GNL3L: variants seen among roughly 807,000 people sequenced by gnomAD.
The protein encoded by GNL3L is guanine nucleotide-binding protein-like 3-like protein.
GNL3L carries 4 observed loss-of-function variants against 42.9 expected under a neutral mutation model. The observed-to-expected ratio is 0.09, with a 90% CI of 0.05 to 0.21. The LOEUF (loss-of-function observed/expected upper bound fraction) is 0.21. Among genes scored for constraint, GNL3L ranks in the 10% least tolerant of loss-of-function variants. The probability of loss-of-function intolerance (pLI) is 1.00; values close to 1 mark genes in which losing one functional copy is unlikely to be tolerated. For synonymous variants in GNL3L, 159 were observed against 176.3 expected (o/e 0.90, Z 0.78); for missense variants, 412 against 481.7 (o/e 0.86, Z 1.36).
At chrX:54,552,123 G>A in intron 12 of GNL3L, 149 bp downstream of exon 12, 3 of 805,019 alleles carry the variant, frequency 3.7e-6, no homozygotes, top group Non-Finnish European at 5.4e-6. Context: ...TCCTGCTCGA[G>A]ACTTTATGCC....
intron 9 of GNL3L, among the ~76,000 whole-genome samples, chrX:54,549,073 A>G (rs1217261410): frequency 9.0e-6 from 1 of 111,412 alleles, no homozygotes; most frequent in Non-Finnish European, 1.9e-5. Flanking sequence ...CGAGGGAGAC[A>G]TAGGAAGGGT....
intron 2 of GNL3L, among the ~76,000 whole-genome samples, chrX:54,538,318 T>A (rs1924508441): frequency 8.9e-6 from 1 of 111,754 alleles, no homozygotes; most frequent in South Asian, 3.7e-4. Flanking sequence ...TATAATATAT[T>A]TGTTTGTATA....
intron 16 of GNL3L, among the ~76,000 whole-genome samples, chrX:54,612,820 A>G (rs1264122178): frequency 9.0e-6 from 1 of 111,648 alleles, no homozygotes; most frequent in Non-Finnish European, 1.9e-5. Flanking sequence ...TAAGTTTTCC[A>G]TTATAGGTTA....
At chrX:54,545,371 G>GTT (rs1485477908) in intron 8 of GNL3L, among the ~76,000 whole-genome samples, 2 of 106,834 alleles carry the variant, frequency 1.9e-5, no homozygotes, top group African/African-American at 6.8e-5. Context: ...GCTAAGTTTT[G>GTT]TGTTTTTTTT....
chrX:54,615,808 G>A (rs188703584), intron 16 of GNL3L, among the ~76,000 whole-genome samples: 1 of 109,241 alleles, frequency 9.2e-6, no homozygotes, highest in African/African-American at 3.3e-5. Flanking sequence ...GGGTTCAAGC[G>A]ATTCTCCTGC....
intron 16 of GNL3L, among the ~76,000 whole-genome samples, chrX:54,578,190 A>G (rs760579968): frequency 2.7e-5 from 3 of 112,275 alleles, no homozygotes; most frequent in South Asian, 7.3e-4. Context: ...TTTGGCATTT[A>G]TCATTTTTGT....
chrX:54,536,096 T>C (rs1924415006), intron 2 of GNL3L, among the ~76,000 whole-genome samples: 1 of 110,826 alleles, frequency 9.0e-6, no homozygotes, highest in Non-Finnish European at 1.9e-5. Flanking sequence ...CCCGGCTAAT[T>C]TTTGTATTTT....
chrX:54,535,964 G>C (rs1924410092), intron 2 of GNL3L, among the ~76,000 whole-genome samples: 1 of 105,886 alleles, frequency 9.4e-6, no homozygotes, highest in Non-Finnish European at 1.9e-5. Flanking sequence ...GTCTTGCTGT[G>C]TTGCCCAGGC....
At chrX:54,568,892 C>T (rs1357314546), downstream of GNL3L, among the ~76,000 whole-genome samples, 3 of 112,265 alleles carry the variant, frequency 2.7e-5, no homozygotes, top group Non-Finnish European at 5.6e-5. Flanking sequence ...ACCTCTCTTC[C>T]AATCCTTATA....
chrX:54,572,448 C>T (rs754990758), intron 16 of GNL3L, among the ~76,000 whole-genome samples: 11 of 111,909 alleles, frequency 9.8e-5, no homozygotes, highest in Admixed American at 9.4e-5. Flanking sequence ...TCAATCTTTT[C>T]CCCACCTTTC....
intron 16 of GNL3L, among the ~76,000 whole-genome samples, chrX:54,617,540 C>T (rs1190008426): frequency 8.9e-6 from 1 of 112,171 alleles, no homozygotes; most frequent in African/African-American, 3.2e-5. Context: ...TAGAAACTTA[C>T]TCTGGCTTTC....
chrX:54,606,995 C>CCTTTT (rs1926071426), intron 16 of GNL3L, among the ~76,000 whole-genome samples: 2 of 28,052 alleles, frequency 7.1e-5, no homozygotes, highest in Non-Finnish European at 1.2e-4. Context: ...CCTTTCCTTT[C>CCTTTT]CTTTCTTTCT....
Position 54,563,874 on chromosome X carries a change from A to G in GNL3L, c.*3272A>G, listed in dbSNP as rs965534924. On this transcript the variant is annotated 3_prime_UTR_variant, in exon 16 of 16. Coordinates refer to ENST00000360845, the MANE Select transcript of GNL3L (RefSeq NM_001184819.2). ...TCTCAAAGGTTTTTTTTAAAAAAGT[A>G]TTTTCTTAACTTTTTACCTTCATTT... Among the ~76,000 whole-genome samples the G allele has an allele frequency of 1.8e-5, 2 of 111,660 alleles. No individual in the cohort carries two copies. Among genetic ancestry groups the G allele is most frequent in the African/African-American group, 6.5e-5 (2 of 30,702 alleles).
the GNL3L span, among the ~76,000 whole-genome samples, chrX:54,638,107 C>G: frequency 8.9e-6 from 1 of 111,808 alleles, no homozygotes; most frequent in Admixed American, 9.5e-5. Flanking sequence ...TTTTTAGTGT[C>G]CTTCTTCCGC....
chrX:54,597,940 T>A (rs1465507673), intron 16 of GNL3L, among the ~76,000 whole-genome samples: 1 of 111,138 alleles, frequency 9.0e-6, no homozygotes, highest in East Asian at 2.8e-4. Context: ...GGGGTGGTGT[T>A]GGTGCTTCAG....
intron 16 of GNL3L, among the ~76,000 whole-genome samples, chrX:54,574,715 T>C (rs1008622181): frequency 8.9e-6 from 1 of 112,403 alleles, no homozygotes; most frequent in African/African-American, 3.2e-5. Context: ...ATTCTTTAAA[T>C]GTTTGTTACA....
chrX:54,541,409 C>A lies in GNL3L; in HGVS notation c.306+20C>A. On this transcript the variant is annotated intron_variant, in intron 5 of 15. Coordinates refer to ENST00000360845, the MANE Select transcript of GNL3L (RefSeq NM_001184819.2). ...CATAAGGTAAGAGTGCAGCCCTTGC[C>A]CCTGGGTAGGTTTGCTCAAAGCATC... The A allele has an allele frequency of 9.8e-7, 1 of 1,024,758 alleles. No homozygotes were observed. Among genetic ancestry groups the A allele is most frequent in the Non-Finnish European group, 1.4e-6 (1 of 727,590 alleles). The allele number at this position is 1,024,758 out of a possible 1,213,427, so 84.5% of individuals were successfully genotyped here. A position where few individuals can be genotyped will look rare whatever the true frequency, so the allele number is the denominator to read the frequency against.
downstream of GNL3L, among the ~76,000 whole-genome samples, chrX:54,622,403 G>A (rs1392975951): frequency 2.9e-5 from 3 of 102,753 alleles, no homozygotes; most frequent in East Asian, 9.6e-4. Flanking sequence ...TCCTGCCTCA[G>A]CCTCCTAAGT....
intron 16 of GNL3L, among the ~76,000 whole-genome samples, chrX:54,591,313 C>T (rs1010834967): frequency 7.2e-5 from 8 of 110,389 alleles, no homozygotes; most frequent in East Asian, 2.9e-4. Flanking sequence ...TTCACTTAGG[C>T]GGGGCGCAGT....
Sources: allele counts gnomAD v4.1 joint callset (sites outside exome capture counted in the v4.1 genomes callset), GRCh38; gene constraint gnomAD v4.1.1; transcripts MANE v1.5; gene names NCBI Gene and HGNC (gene_info 2026-07-23, HGNC 2026-07-21).